The following RPL3 variants were observed in gnomAD, a reference collection of about 807,000 sequenced individuals.
The protein encoded by RPL3 is ribosomal protein L3.
In RPL3, 3 loss-of-function variants were observed where a neutral mutation model predicts 46.0. The observed-to-expected ratio is 0.07, with a 90% CI of 0.03 to 0.17. RPL3 has a LOEUF of 0.17. Ranked by LOEUF, RPL3 falls within the 10% of genes least tolerant of loss-of-function variation. RPL3 has a pLI of 1.00. For missense variants in RPL3, 387 were observed against 532.7 expected (o/e 0.73, Z 2.69); for synonymous variants, 224 against 190.8 (o/e 1.17, Z -1.43).
chr22:39,317,660 C>A, intron 2 of RPL3, 31 bp from the exon 3 acceptor site: 1 of 1,607,998 alleles, frequency 6.2e-7, no homozygotes, highest in Non-Finnish European at 8.5e-7. Context: ...TCAGACTTGG[C>A]AGGAGCCCAA....
chr22:39,313,893 G>A (rs1361390602), intron 7 of RPL3, 164 bp from the exon 8 acceptor site: 3 of 855,682 alleles, frequency 3.5e-6, no homozygotes, highest in South Asian at 1.3e-5. Context: ...GCACATTCCA[G>A]GCCTCATCAC....
At position 39,317,403 on chromosome 22, in the gene RPL3, T is replaced by C. The variant is rs1009208658; in HGVS notation, c.365+58A>G. Reference sequence around the variant, plus strand: ...AGCTGAGAAACCATGCACACGCTGCTCCCTGCTCTCCAGCTCCCAAGCTCC... The same window carrying C: ...AGCTGAGAAACCATGCACACGCTGCCCCCTGCTCTCCAGCTCCCAAGCTCC... On this transcript the variant is annotated intron_variant, in intron 3 of 9. Coordinates refer to ENST00000216146, the MANE Select transcript of RPL3 (RefSeq NM_000967.4). The C allele has an allele frequency of 2.5e-6, 4 of 1,571,920 alleles. No homozygotes were observed. In the African/African-American group the frequency reaches 5.5e-5, roughly 21 times the overall value.
chr22:39,315,666 T>TA (rs768305537), intron 4 of RPL3, 111 bp from the exon 5 acceptor site: 17 of 1,300,144 alleles, frequency 1.3e-5, no homozygotes, highest in Non-Finnish European at 1.8e-5. Context: ...AAAAAGCCAG[T>TA]AACTCTGAAC....
rs1922523606 is a variant in RPL3 at position 39,314,022 on chromosome 22, C to G, written c.951+85G>C. 6.1e-6 allele frequency: 7 copies of G among 1,150,184 alleles called. No individual in the cohort carries two copies. The South Asian group carries it at 8.6e-5, about 14-fold the overall frequency. The allele number at this position is 1,150,184 out of a possible 1,614,324, so 71.2% of individuals were successfully genotyped here. A position where few individuals can be genotyped will look rare whatever the true frequency, so the allele number is the denominator to read the frequency against. ...TGTTGTGTTGGCTTCAGTTAACGATCCTGCTAGCAGCCCCTAGGAAGCAGC... is the reference window on the plus strand; with the variant it reads ...TGTTGTGTTGGCTTCAGTTAACGATGCTGCTAGCAGCCCCTAGGAAGCAGC... On this transcript the variant is annotated intron_variant, in intron 7 of 9. Transcript: ENST00000216146.
In RPL3 at chr22:39,315,326, T is replaced by C. The variant is rs972339040; in HGVS notation, c.688+43A>G. 8 of 1,612,938 alleles carry C rather than the reference T, an allele frequency of 5.0e-6. No homozygotes were observed. The African/African-American group carries it at 1.1e-4, about 22-fold the overall frequency. On this transcript the variant is annotated intron_variant, in intron 5 of 9. Transcript: ENST00000216146. ...GAACAGCTGGGCCTGAAACCACTTCTCCCCCAGGTTTGCACAGCAACTCAA... is the reference window on the plus strand; with the variant it reads ...GAACAGCTGGGCCTGAAACCACTTCCCCCCCAGGTTTGCACAGCAACTCAA...
At chr22:39,317,737 CCA>C in intron 2 of RPL3, 108 bp from the exon 3 acceptor site, 1 of 1,245,604 alleles carries the variant, frequency 8.0e-7, no homozygotes, top group Non-Finnish European at 1.1e-6. Context: ...CAACTGGGCC[CCA>C]CACCTGCAGT....
chr22:39,319,455 C>A, intron 1 of RPL3, 140 bp downstream of exon 1: 1 of 1,187,004 alleles, frequency 8.4e-7, no homozygotes, highest in Non-Finnish European at 1.2e-6. Flanking sequence ...GAAAATAGGC[C>A]AGACTGAAGT....
Position 39,314,851 on chromosome 22 carries a change from A to C in RPL3, c.689-5T>G. On this transcript the variant is annotated splice_region_variant and splice_polypyrimidine_tract_variant and intron_variant, in intron 5 of 9. Transcript: ENST00000216146. ...TGTGCCAACGACTGGTGACCCCTGG[A>C]ATGGATACACATTACTTCACCTCAG... The C allele has an allele frequency of 6.2e-7, 1 of 1,612,522 alleles. No homozygotes were observed. The highest frequency in any genetic ancestry group is 1.1e-5 in the South Asian group (1 of 91,028).
chr22:39,314,312 A>G, intron 6 of RPL3, 104 bp from the exon 7 acceptor site: 1 of 980,386 alleles, frequency 1.0e-6, no homozygotes, highest in African/African-American at 1.6e-5. Flanking sequence ...CTGAGGCCTC[A>G]GTCCCAGTCA....
At chr22:39,318,017 A>C in intron 2 of RPL3, 3 of 346,430 alleles carry the variant, frequency 8.7e-6, no homozygotes, top group Non-Finnish European at 1.1e-5. Context: ...GACATCTCTA[A>C]GTAGAACACA....
rs1922724192 is a variant in RPL3, at chr22:39,316,791, T to A, written c.416A>T (p.Asp139Val). The change falls in exon 4 of 10, where the codon GAT (aspartate) becomes GTT (valine). Residue 139 changes from aspartate to valine, a missense_variant. Physicochemically the swap from Asp to Val is radical, Grantham distance 152 (BLOSUM62 -3). Coordinates refer to ENST00000216146, the MANE Select transcript of RPL3 (RefSeq NM_000967.4). Reference protein sequence around the residue: ...AFTKYCKKWQDEDGKKQLEKD... With the variant: ...AFTKYCKKWQVEDGKKQLEKD... ...CTCCAGCTGCTTCTTGCCATCCTCA[T>A]CCTGCCATTTCTTGCAGTACTTGGT... 6.2e-7 allele frequency: 1 copy of A among 1,614,042 alleles called. No individual in the cohort carries two copies. The highest frequency in any genetic ancestry group is 8.5e-7 in the Non-Finnish European group (1 of 1,179,998).
intron 7 of RPL3, 127 bp downstream of exon 7, chr22:39,313,980 C>T (rs930395537): frequency 1.1e-6 from 1 of 889,588 alleles, no homozygotes; most frequent in Non-Finnish European, 1.9e-6. Context: ...ATGCCACTTA[C>T]AAGGGACACA....
At chr22:39,313,796 T>C (rs755991608) in intron 7 of RPL3, 67 bp from the exon 8 acceptor site, 1 of 1,409,636 alleles carries the variant, frequency 7.1e-7, no homozygotes, top group Admixed American at 1.7e-5. Context: ...CCCCTCCAGG[T>C]TCAGGCCCTC....
chr22:39,313,083 AC>A (rs1922458196), intron 9 of RPL3, 99 bp from the exon 10 acceptor site: 1 of 1,605,590 alleles, frequency 6.2e-7, no homozygotes, highest in African/African-American at 1.3e-5. Flanking sequence ...CTCCACAGCC[AC>A]AAGAGAGGCC....
rs762926536 is a variant in RPL3, at chr22:39,316,729, T to C, written c.478A>G (p.Ile160Val). 1 of 1,612,660 alleles carries C rather than the reference T, an allele frequency of 6.2e-7. No homozygotes were observed. Among genetic ancestry groups the C allele is most frequent in the South Asian group, 1.1e-5 (1 of 91,016 alleles). The change falls in exon 4 of 10, where the codon ATC (isoleucine) becomes GTC (valine). Residue 160 changes from isoleucine to valine, a missense_variant. By Grantham distance (29) the Ile-to-Val change is conservative. This residue lies in a region of RPL3 where 196 missense variants were observed against 217.5 expected (regional missense o/e 0.90). Coordinates refer to ENST00000216146, the MANE Select transcript of RPL3 (RefSeq NM_000967.4). ...ACCTGGGTGTGGGCAATGACACGGA[T>C]GACTTGGCAGTACTTCTTCATGCTG... ...FSSMKKYCQV[I>V]RVIAHTQMRL...
At chr22:39,313,612 G>A (rs1487156867) in intron 8 of RPL3, 22 bp downstream of exon 8, 1 of 1,608,002 alleles carries the variant, frequency 6.2e-7, no homozygotes, top group Non-Finnish European at 8.5e-7. Context: ...GCCCCCCCAT[G>A]ACAAGTCAGG....
intron 7 of RPL3, 103 bp downstream of exon 7, chr22:39,314,004 T>C (rs1922523071): frequency 3.1e-6 from 3 of 970,214 alleles, no homozygotes; most frequent in Non-Finnish European, 5.0e-6. Flanking sequence ...AGGTGTTGTG[T>C]TGGCTTCAGT....
intron 5 of RPL3, 194 bp from the exon 6 acceptor site, chr22:39,315,040 G>T: frequency 1.3e-6 from 1 of 783,588 alleles, no homozygotes; most frequent in Non-Finnish European, 2.0e-6. Context: ...ATTCTGAATG[G>T]GTGCTTTTTA....
chr22:39,313,755 C>G, intron 7 of RPL3, 26 bp from the exon 8 acceptor site: 1 of 1,607,992 alleles, frequency 6.2e-7, no homozygotes, highest in Non-Finnish European at 8.5e-7. Context: ...CGGATCAGCA[C>G]AGGCCCAGGA....
Sources: allele counts gnomAD v4.1 joint callset, GRCh38; gene constraint gnomAD v4.1.1; regional missense constraint gnomAD v4.1.1; transcripts MANE v1.5; gene names NCBI Gene and HGNC (gene_info 2026-07-23, HGNC 2026-07-21).